Variants in TRPM7 observed in about 807,000 individuals in gnomAD.
The protein encoded by TRPM7 is LTRPC ion channel family member 7.
TRPM7 carries 134 observed loss-of-function variants against 229.7 expected under a neutral mutation model. That is an observed-to-expected ratio of 0.58 (90% confidence interval 0.51 to 0.67). TRPM7 has a LOEUF of 0.67. Among genes scored for constraint, TRPM7 ranks in the 30% least tolerant of loss-of-function variants. The pLI, the probability that TRPM7 is intolerant of heterozygous loss-of-function variation, is 0.00. For synonymous variants in TRPM7, 699 were observed against 715.2 expected, an observed-to-expected ratio of 0.98 and a Z score of 0.36; for missense variants, 1,901 against 2,210.0, an observed-to-expected ratio of 0.86 and a Z score of 2.80.
chr15:50,666,570 G>A (rs1292399759), intron 1 of TRPM7, among the ~76,000 whole-genome samples: 1 of 151,914 alleles, frequency 6.6e-6, no homozygotes, highest in Non-Finnish European at 1.5e-5. Flanking sequence ...TTGGGAGGCT[G>A]AGGCGGGCAG....
chr15:50,605,451 A>C (rs1003790277), intron 20 of TRPM7, among the ~76,000 whole-genome samples: 1 of 152,226 alleles, frequency 6.6e-6, no homozygotes, highest in African/African-American at 2.4e-5. Context: ...TTTCAAATTA[A>C]GGCAGCACCT....
intron 1 of TRPM7, among the ~76,000 whole-genome samples, chr15:50,681,994 A>G (rs1047161388): frequency 6.6e-6 from 1 of 152,080 alleles, no homozygotes; most frequent in African/African-American, 2.4e-5. Flanking sequence ...CCTGGCCAAC[A>G]TGGGGAAACC....
At chr15:50,586,625 T>G (rs1195438868) in intron 27 of TRPM7, 137 bp from the exon 28 acceptor site, 2 of 519,314 alleles carry the variant, frequency 3.9e-6, no homozygotes, top group East Asian at 6.6e-5. Context: ...GGGTGTATTA[T>G]AGATTATGGT....
At chr15:50,626,918 C>T (rs548679374) in intron 11 of TRPM7, among the ~76,000 whole-genome samples, 1 of 151,958 alleles carries the variant, frequency 6.6e-6, no homozygotes, top group East Asian at 1.9e-4. Flanking sequence ...CTACACAGTA[C>T]ATGTAGATAT....
intron 1 of TRPM7, among the ~76,000 whole-genome samples, chr15:50,679,538 A>ATATATTTTTT (rs1400383980): frequency 6.8e-5 from 3 of 43,904 alleles, no homozygotes; most frequent in African/African-American, 3.2e-4. Flanking sequence ...ATATATATAT[A>ATATATTTTTT]TTTTTTTTTT....
chr15:50,637,144 A>AG (rs2060932882), intron 7 of TRPM7, among the ~76,000 whole-genome samples: 1 of 151,608 alleles, frequency 6.6e-6, no homozygotes. Context: ...AAAAAAAAAA[A>AG]GAATATTTAT....
chr15:50,618,783 C>T (rs2060305826), intron 13 of TRPM7, among the ~76,000 whole-genome samples: 3 of 152,110 alleles, frequency 2.0e-5, no homozygotes, highest in Admixed American at 2.0e-4. Context: ...CCCAACCTCC[C>T]ACCTTTTGTA....
chr15:50,580,480 C>T (rs2054346150), intron 30 of TRPM7, among the ~76,000 whole-genome samples: 2 of 152,008 alleles, frequency 1.3e-5, no homozygotes, highest in Non-Finnish European at 2.9e-5. Context: ...AAAGTGCTTA[C>T]CAAAAGCAGA....
intron 2 of TRPM7, among the ~76,000 whole-genome samples, chr15:50,658,997 G>C (rs547396248): frequency 6.6e-6 from 1 of 152,244 alleles, no homozygotes; most frequent in Admixed American, 6.5e-5. Context: ...AGGAGATCAA[G>C]ACCATCCTGG....
At position 50,592,372 on chromosome 15, in the gene TRPM7, A is replaced by G. The variant is rs1445554058; in HGVS notation, c.3863T>C (p.Val1288Ala). 6.2e-7 allele frequency: 1 copy of G among 1,614,196 alleles called. No homozygotes were observed. Among genetic ancestry groups the G allele is most frequent in the East Asian group, 2.2e-5 (1 of 44,882 alleles). ...LIDDGPVRPS[V>A]WKKHGVVNTL... Reference sequence around the variant, plus strand: ...ATTTACAACACCATGCTTTTTCCATACAGAAGGTCTTACAGGACCATCATC... The same window carrying G: ...ATTTACAACACCATGCTTTTTCCATGCAGAAGGTCTTACAGGACCATCATC... The change falls in exon 26 of 39, where the codon GTA becomes GCA. Residue 1288 changes from valine (V) to alanine (A), a missense_variant. By Grantham distance (64) the Val-to-Ala change is moderately conservative. This residue lies in a region of TRPM7 where 533 missense variants were observed against 497.1 expected (regional missense o/e 1.07). Coordinates refer to ENST00000646667, the MANE Select transcript of TRPM7 (RefSeq NM_017672.6).
intron 1 of TRPM7, among the ~76,000 whole-genome samples, chr15:50,670,781 C>T (rs1324961787): frequency 4.0e-5 from 6 of 149,242 alleles, no homozygotes; most frequent in Non-Finnish European, 8.9e-5. Flanking sequence ...AATAAACTTG[C>T]CTTCACTTTA....
chr15:50,671,246 C>T (rs958919912), intron 1 of TRPM7, among the ~76,000 whole-genome samples: 6 of 152,160 alleles, frequency 3.9e-5, no homozygotes, highest in African/African-American at 1.4e-4. Flanking sequence ...TACTCTCCAT[C>T]CAGAAATTGA....
intron 30 of TRPM7, 66 bp downstream of exon 30, chr15:50,580,808 G>T: frequency 6.9e-7 from 1 of 1,458,516 alleles, no homozygotes; most frequent in Non-Finnish European, 9.3e-7. Context: ...GTAAAGAGCA[G>T]GAAAAAAGAC....
In TRPM7 at chr15:50,676,982, GGA is replaced by G. The variant is rs1420540576; in HGVS notation, c.3+9547_3+9548del. On this transcript the variant is annotated intron_variant, in intron 1 of 38. Transcript: ENST00000646667. Reference sequence around the variant, plus strand: ...GCAGATATTCCTGCTGCCCATTGTAGGAGAGACAGTTTGGAGTTTGAGTACAA... The same window carrying G: ...GCAGATATTCCTGCTGCCCATTGTAGGAGACAGTTTGGAGTTTGAGTACAA... Among the ~76,000 whole-genome samples the G allele has an allele frequency of 5.9e-5, 9 of 152,292 alleles. No homozygotes were observed. The East Asian group carries it at 1.5e-3, about 26-fold the overall frequency.
intron 13 of TRPM7, among the ~76,000 whole-genome samples, chr15:50,617,925 C>G (rs942113323): frequency 1.3e-5 from 2 of 152,118 alleles, no homozygotes; most frequent in Non-Finnish European, 2.9e-5. Context: ...TACCAAAGTG[C>G]TGGTATTACG....
intron 1 of TRPM7, among the ~76,000 whole-genome samples, chr15:50,671,767 G>A (rs1376520819): frequency 6.6e-6 from 1 of 151,826 alleles, no homozygotes; most frequent in Non-Finnish European, 1.5e-5. Flanking sequence ...CTATGATCAC[G>A]CCACTACACT....
chr15:50,639,413 A>G lies in TRPM7; in HGVS notation c.660+11T>C. 6 of 1,561,034 alleles carry G rather than the reference A, an allele frequency of 3.8e-6. No individual in the cohort carries two copies. The highest frequency in any genetic ancestry group is 1.7e-4 in the Middle Eastern group (1 of 5,848). Reference sequence around the variant, plus strand: ...ATTTCAAACATAAGAAATTTTAAAAATAATTCTTACATCTCTCCCAACAAG... The same window carrying G: ...ATTTCAAACATAAGAAATTTTAAAAGTAATTCTTACATCTCTCCCAACAAG... On this transcript the variant is annotated intron_variant, in intron 6 of 38. Transcript: ENST00000646667.
At chr15:50,666,119 T>G (rs969051486) in intron 1 of TRPM7, among the ~76,000 whole-genome samples, 10 of 151,960 alleles carry the variant, frequency 6.6e-5, no homozygotes, top group African/African-American at 2.4e-4. Flanking sequence ...AAAACAGATT[T>G]TAATAAAACA....
At chr15:50,639,665 C>G in intron 5 of TRPM7, 117 bp from the exon 6 acceptor site, 1 of 818,776 alleles carries the variant, frequency 1.2e-6, no homozygotes, top group Non-Finnish European at 1.8e-6. Flanking sequence ...CTCCTGGACT[C>G]AAGCGATCCT....
Sources: allele counts gnomAD v4.1 joint callset (sites outside exome capture counted in the v4.1 genomes callset), GRCh38; gene constraint gnomAD v4.1.1; regional missense constraint gnomAD v4.1.1; transcripts MANE v1.5; gene names NCBI Gene and HGNC (gene_info 2026-07-23, HGNC 2026-07-21).